MYRIP: variants seen among roughly 807,000 people sequenced by gnomAD.
The protein encoded by MYRIP is myosin VIIA and Rab interacting protein.
Under a neutral mutation model 98.0 loss-of-function variants are expected in MYRIP, and 49 were observed. The ratio of observed to expected loss-of-function variants is 0.50; its 90% confidence interval spans 0.40 to 0.63. MYRIP has a LOEUF of 0.63. Ranked by LOEUF, MYRIP falls within the 30% of genes least tolerant of loss-of-function variation. MYRIP has a pLI of 0.00. For missense variants in MYRIP, 1,004 were observed against 1,058.2 expected, an observed-to-expected ratio of 0.95 and a Z score of 0.71; for synonymous variants, 404 against 409.5, an observed-to-expected ratio of 0.99 and a Z score of 0.16.
chr3:39,979,658 A>C (rs533860350), intron 2 of MYRIP, among the ~76,000 whole-genome samples: 18 of 148,218 alleles, frequency 1.2e-4, no homozygotes, highest in African/African-American at 4.4e-4. Context: ...AACAAAACAA[A>C]AAAAAAAAAA....
chr3:40,115,484 C>T (rs1367129362), intron 3 of MYRIP, among the ~76,000 whole-genome samples: 1 of 152,112 alleles, frequency 6.6e-6, no homozygotes, highest in Non-Finnish European at 1.5e-5. Context: ...CATGAGAACT[C>T]ACTCACTATC....
chr3:39,838,735 G>A (rs1368978842), intron 1 of MYRIP, among the ~76,000 whole-genome samples: 3 of 152,132 alleles, frequency 2.0e-5, no homozygotes, highest in Non-Finnish European at 4.4e-5. Context: ...AAATCAGTTA[G>A]GGAGGAGTCC....
intron 11 of MYRIP, among the ~76,000 whole-genome samples, chr3:40,227,189 G>A (rs1489414033): frequency 6.6e-6 from 1 of 152,168 alleles, no homozygotes; most frequent in African/African-American, 2.4e-5. Flanking sequence ...GGCATAGAGT[G>A]GATGCTTCCA....
intron 11 of MYRIP, among the ~76,000 whole-genome samples, chr3:40,229,365 GA>G (rs141541637): frequency 0.02 from 3,078 of 152,224 alleles, 19 homozygotes; most frequent in East Asian, 0.031. Flanking sequence ...GTCCCTAGAG[GA>G]AAAAAACGAT....
intron 3 of MYRIP, among the ~76,000 whole-genome samples, chr3:40,077,680 A>G (rs531319929): frequency 2.0e-5 from 3 of 152,290 alleles, no homozygotes; most frequent in African/African-American, 7.2e-5. Flanking sequence ...AGCTAGACAT[A>G]AAGGTTCTCC....
At chr3:40,218,598 C>CAT (rs1553629135) in intron 11 of MYRIP, among the ~76,000 whole-genome samples, 12 of 14,234 alleles carry the variant, frequency 8.4e-4, no homozygotes, top group African/African-American at 1.3e-3. Flanking sequence ...CACACACACA[C>CAT]ATATATATAT....
At chr3:40,018,669 G>T (rs1253194777) in intron 2 of MYRIP, among the ~76,000 whole-genome samples, 2 of 152,054 alleles carry the variant, frequency 1.3e-5, no homozygotes, top group African/African-American at 4.8e-5. Context: ...GACTTTGCCA[G>T]CATTGGCCCT....
At chr3:40,125,207 G>C (rs1475897166) in intron 3 of MYRIP, among the ~76,000 whole-genome samples, 2 of 152,214 alleles carry the variant, frequency 1.3e-5, no homozygotes, top group African/African-American at 4.8e-5. Flanking sequence ...GAGTTCTCTA[G>C]AGGGACAGAA....
intron 10 of MYRIP, among the ~76,000 whole-genome samples, chr3:40,192,365 TAA>T (rs1248877582): frequency 1.3e-5 from 1 of 79,322 alleles, no homozygotes; most frequent in East Asian, 2.6e-4. Context: ...TATATTTATT[TAA>T]GTTATTTACT....
At chr3:40,034,729 A>G (rs1296009523) in intron 2 of MYRIP, among the ~76,000 whole-genome samples, 1 of 151,698 alleles carries the variant, frequency 6.6e-6, no homozygotes, top group Admixed American at 6.6e-5. Flanking sequence ...CTGGGTATAT[A>G]CCCAGAGGAT....
intron 7 of MYRIP, 61 bp downstream of exon 7, chr3:40,167,300 C>G (rs1464119728): frequency 1.4e-6 from 2 of 1,464,642 alleles, no homozygotes; most frequent in Non-Finnish European, 1.9e-6. Flanking sequence ...TGCAGGGACT[C>G]TGGCAAGTAG....
intron 2 of MYRIP, among the ~76,000 whole-genome samples, chr3:39,936,023 C>A (rs1454158788): frequency 6.6e-6 from 1 of 152,184 alleles, no homozygotes; most frequent in Non-Finnish European, 1.5e-5. Context: ...CTGTGTAATA[C>A]TGTTAACCTT....
intron 4 of MYRIP, among the ~76,000 whole-genome samples, chr3:40,151,660 A>T (rs1295986026): frequency 6.6e-6 from 1 of 152,206 alleles, no homozygotes; most frequent in Non-Finnish European, 1.5e-5. Flanking sequence ...TCCTCCCAGG[A>T]AACTTGAAGG....
At chr3:39,851,074 G>A (rs1942117730) in intron 1 of MYRIP, among the ~76,000 whole-genome samples, 2 of 152,148 alleles carry the variant, frequency 1.3e-5, no homozygotes, top group Admixed American at 6.5e-5. Flanking sequence ...GATGACAGGG[G>A]GATATTCTGG....
chr3:40,235,329 GA>G (rs1952797278), intron 12 of MYRIP, among the ~76,000 whole-genome samples: 1 of 151,816 alleles, frequency 6.6e-6, no homozygotes, highest in African/African-American at 2.4e-5. Flanking sequence ...TTCTTCTTTG[GA>G]AATAAAACAT....
intron 2 of MYRIP, among the ~76,000 whole-genome samples, chr3:39,969,273 A>G (rs545899012): frequency 6.6e-6 from 1 of 152,160 alleles, no homozygotes; most frequent in South Asian, 2.1e-4. Context: ...CTGCAAACAT[A>G]TAGTTTGACC....
At chr3:40,043,781 T>TA (rs1947601925) in intron 2 of MYRIP, among the ~76,000 whole-genome samples, 1 of 152,268 alleles carries the variant, frequency 6.6e-6, no homozygotes, top group African/African-American at 2.4e-5. Flanking sequence ...TGTATCTCAA[T>TA]GTAGTCTCTG....
At chr3:40,233,603 C>T (rs1334660590) in intron 11 of MYRIP, among the ~76,000 whole-genome samples, 1 of 152,194 alleles carries the variant, frequency 6.6e-6, no homozygotes, top group South Asian at 2.1e-4. Context: ...CACTCTAGCA[C>T]TCCTTCCTCC....
At chr3:40,159,189 G>C (rs535331855) in intron 4 of MYRIP, among the ~76,000 whole-genome samples, 209 of 151,786 alleles carry the variant, frequency 1.4e-3, no homozygotes, top group Non-Finnish European at 2.4e-3. Context: ...GGGCAGGCCT[G>C]GTGGTGACAA....
Sources: gnomAD v4.1 joint callset for allele counts (sites outside exome capture counted in the v4.1 genomes callset) on GRCh38, gnomAD v4.1.1 for gene constraint, MANE v1.5 for transcripts, NCBI Gene and HGNC (gene_info 2026-07-23, HGNC 2026-07-21) for gene names.